LTB4R2: variants seen among roughly 807,000 people sequenced by gnomAD.
LTB4R2 encodes the protein leukotriene B4 receptor 2.
In LTB4R2, 6 loss-of-function variants were observed where a neutral mutation model predicts 5.3. That is an observed-to-expected ratio of 1.14 (90% CI 0.62 to 2.24). LTB4R2 has a LOEUF of 2.24. LTB4R2 is among the 30% of genes most tolerant of loss of function. The pLI, the probability that LTB4R2 is intolerant of heterozygous loss-of-function variation, is 0.00. For missense variants in LTB4R2, 560 were observed against 521.5 expected, an observed-to-expected ratio of 1.07 and a Z score of -0.72; for synonymous variants, 310 against 264.2, an observed-to-expected ratio of 1.17 and a Z score of -1.68.
Position 24,311,099 on chromosome 14 carries a change from C to T in LTB4R2, c.435C>T (p.Val145=). ...TGGCCCGCCGCCTGCTGCTGGCGGTCTGGCTGGCCGCCCTGTTGCTCGCCG... is the reference window on the plus strand; with the variant it reads ...TGGCCCGCCGCCTGCTGCTGGCGGTTTGGCTGGCCGCCCTGTTGCTCGCCG... ...PALARRLLLA[V]WLAALLLAVP... is the part of the protein sequence containing the mutation. The change falls in exon 2 of 2, where the codon GTC becomes GTT. Residue 145 remains valine (V), a synonymous_variant. Transcript: ENST00000533293. 1.3e-6 allele frequency: 2 copies of T among 1,564,714 alleles called. No homozygotes were observed. Among genetic ancestry groups the T allele is most frequent in the Non-Finnish European group, 1.7e-6 (2 of 1,162,640 alleles).
At position 24,311,831 on chromosome 14, in the gene LTB4R2, C is replaced by T. The variant is rs73591421; in HGVS notation, c.*90C>T. ...TCAGTGTTCTGGGACATTTGGGGAC[C>T]CTTCTTTGACTAGAGTTTGGATCTG... On this transcript the variant is annotated 3_prime_UTR_variant, in exon 2 of 2. Coordinates refer to ENST00000533293, the MANE Select transcript of LTB4R2 (RefSeq NM_019839.5). 474 of 1,187,202 alleles carry T rather than the reference C, an allele frequency of 4.0e-4. 1 individual carries two copies. In the African/African-American group the frequency reaches 6.6e-3, roughly 17 times the overall value. The allele number at this position is 1,187,202 out of a possible 1,614,324, so 73.5% of individuals were successfully genotyped here.
At chr14:24,310,342 G>T in intron 1 of LTB4R2, 87 bp downstream of exon 1, 2 of 601,982 alleles carry the variant, frequency 3.3e-6, no homozygotes, top group Non-Finnish European at 5.9e-6. Context: ...AGAAGGAGGG[G>T]CCAGACTAGA....
At position 24,311,629 on chromosome 14, in the gene LTB4R2, A is replaced by G. The variant is rs1233248375; in HGVS notation, c.965A>G (p.Glu322Gly). ...GCCCGAGGGGGCGGCCGCTCTAGGGAAGGGACCATGGAGCTCCGAACTACC... is the reference window on the plus strand; with the variant it reads ...GCCCGAGGGGGCGGCCGCTCTAGGGGAGGGACCATGGAGCTCCGAACTACC... ...GEARGGGRSR[E>G]GTMELRTTPQ... The change falls in exon 2 of 2, where the codon GAA becomes GGA. Residue 322 changes from glutamate (E) to glycine (G), a missense_variant. Coordinates refer to ENST00000533293, the MANE Select transcript of LTB4R2 (RefSeq NM_019839.5). 1 of 1,613,414 alleles carries G rather than the reference A, an allele frequency of 6.2e-7. No homozygotes were observed. Among genetic ancestry groups the G allele is most frequent in the East Asian group, 2.2e-5 (1 of 44,868 alleles).
At chr14:24,310,631 G>C (rs2041661520) in intron 1 of LTB4R2, 24 bp from the exon 2 acceptor site, 1 of 1,611,704 alleles carries the variant, frequency 6.2e-7, no homozygotes, top group South Asian at 1.1e-5. Flanking sequence ...AACGCCCTCT[G>C]TGGCGCCTTC....
In LTB4R2 at chr14:24,311,516, C is replaced by T. The variant is rs1357061197; in HGVS notation, c.852C>T (p.Asn284=). 1 of 1,603,256 alleles carries T rather than the reference C, an allele frequency of 6.2e-7. No homozygotes were observed. The highest frequency in any genetic ancestry group is 2.2e-5 in the East Asian group (1 of 44,886). The part of the protein sequence containing the change: ...TALAFFSSSV[N]PVLYVFTAGD... Reference sequence around the variant, plus strand: ...TGGCCTTCTTCAGTTCTAGCGTCAACCCGGTGCTCTACGTCTTCACCGCTG... The same window carrying T: ...TGGCCTTCTTCAGTTCTAGCGTCAATCCGGTGCTCTACGTCTTCACCGCTG... Residue 284 remains asparagine, a synonymous_variant, in exon 2 of 2, where the codon AAC becomes AAT. Transcript: ENST00000533293.
In LTB4R2 at chr14:24,310,842, C is replaced by T. The variant is rs2041671147; in HGVS notation, c.178C>T (p.Leu60Phe). The T allele has an allele frequency of 6.3e-7, 1 of 1,595,390 alleles. No homozygotes were observed. The highest frequency in any genetic ancestry group is 8.5e-7 in the Non-Finnish European group (1 of 1,176,458). Reference protein sequence around the residue: ...PARGRPLAATLVLHLALADGA... With the variant: ...PARGRPLAATFVLHLALADGA... ...ACGGGGGCGACCGCTGGCGGCCACGCTTGTGCTGCACCTGGCGCTGGCCGA... is the reference window on the plus strand; with the variant it reads ...ACGGGGGCGACCGCTGGCGGCCACGTTTGTGCTGCACCTGGCGCTGGCCGA... Residue 60 changes from leucine (L) to phenylalanine (F), a missense_variant, in exon 2 of 2, where the codon CTT (leucine) becomes TTT (phenylalanine). Leu to Phe is a conservative substitution (Grantham distance 22, BLOSUM62 0). Coordinates refer to ENST00000533293, the MANE Select transcript of LTB4R2 (RefSeq NM_019839.5).
At position 24,311,686 on chromosome 14, in the gene LTB4R2, G is replaced by A; in HGVS notation, c.1022G>A (p.Gly341Asp). ...CTGAAAGTGGTGGGGCAGGGCCGCG[G>A]CAATGGAGACCCGGGGGGTGGGATG... ...PQLKVVGQGR[G>D]NGDPGGGMEK... The change falls in exon 2 of 2, where the codon GGC (glycine) becomes GAC (aspartate). Residue 341 changes from glycine to aspartate, a missense_variant. Physicochemically the swap from Gly to Asp is moderately conservative, Grantham distance 94 (BLOSUM62 -1). Coordinates refer to ENST00000533293, the MANE Select transcript of LTB4R2 (RefSeq NM_019839.5). The A allele has an allele frequency of 6.2e-7, 1 of 1,609,082 alleles. No individual in the cohort carries two copies. Among genetic ancestry groups the A allele is most frequent in the Non-Finnish European group, 8.5e-7 (1 of 1,176,790 alleles).
In LTB4R2 at chr14:24,310,821, G is replaced by GGGCGACCGCT. The variant is rs775478933; in HGVS notation, c.162_171dup (p.Ala58ThrfsTer228). ...CTTGGCGGGCTGGCGGCCTGCACGGGGGCGACCGCTGGCGGCCACGCTTGT... is the reference window on the plus strand; with the variant it reads ...CTTGGCGGGCTGGCGGCCTGCACGGGGGCGACCGCTGGCGACCGCTGGCGGCCACGCTTGT... On this transcript the variant is annotated frameshift_variant, in exon 2 of 2. Coordinates refer to ENST00000533293, the MANE Select transcript of LTB4R2 (RefSeq NM_019839.5). LOFTEE classifies it low-confidence loss of function (END_TRUNC). The GGGCGACCGCT allele has an allele frequency of 6.3e-7, 1 of 1,594,618 alleles. No homozygotes were observed. Among genetic ancestry groups the GGGCGACCGCT allele is most frequent in the East Asian group, 2.2e-5 (1 of 44,470 alleles).
In LTB4R2 at chr14:24,311,021, C is replaced by G. The variant is rs201642570; in HGVS notation, c.357C>G (p.Arg119=). The G allele has an allele frequency of 1.3e-6, 2 of 1,584,594 alleles. No homozygotes were observed. The highest frequency in any genetic ancestry group is 1.1e-5 in the South Asian group (1 of 89,358). The change falls in exon 2 of 2, where the codon CGC becomes CGG. Residue 119 remains arginine, a synonymous_variant. Transcript: ENST00000533293. ...TCACCGGCCTGCTCAGCCTGCAGCGCTGCCTCGCAGTCACCCGCCCCTTCC... is the reference window on the plus strand; with the variant it reads ...TCACCGGCCTGCTCAGCCTGCAGCGGTGCCTCGCAGTCACCCGCCCCTTCC... ...VLLTGLLSLQ[R]CLAVTRPFLA...
Position 24,311,042 on chromosome 14 carries a change from C to A in LTB4R2, c.378C>A (p.Pro126=), listed in dbSNP as rs762169046. 2 of 1,578,244 alleles carry A rather than the reference C, an allele frequency of 1.3e-6. No homozygotes were observed. The highest frequency in any genetic ancestry group is 2.3e-5 in the South Asian group (2 of 88,486). The change falls in exon 2 of 2, where the codon CCC becomes CCA. Residue 126 remains proline (P), a synonymous_variant. Transcript: ENST00000533293. ...AGCGCTGCCTCGCAGTCACCCGCCC[C>A]TTCCTGGCGCCTCGGCTGCGCAGCC... The part of the protein sequence containing the change: ...SLQRCLAVTR[P]FLAPRLRSPA...
At chr14:24,310,524 G>A (rs1303172563) in intron 1 of LTB4R2, 131 bp from the exon 2 acceptor site, 1 of 915,504 alleles carries the variant, frequency 1.1e-6, no homozygotes, top group Admixed American at 2.0e-5. Context: ...TGGAAGTCAG[G>A]ACTCCCAGGC....
At position 24,311,264 on chromosome 14, in the gene LTB4R2, C is replaced by T. The variant is rs773336602; in HGVS notation, c.600C>T (p.Cys200=). ...FVLPFGLMLG[C]YSVTLARLRG... ...TTCCTTTCGGGCTGATGCTCGGCTG[C>T]TACAGCGTGACGCTGGCACGGCTGC... is the stretch of plus-strand genomic sequence containing the variant. Residue 200 remains cysteine (C), a synonymous_variant, in exon 2 of 2, where the codon TGC becomes TGT. Transcript: ENST00000533293. The T allele has an allele frequency of 6.2e-7, 1 of 1,602,768 alleles. No individual in the cohort carries two copies. The highest frequency in any genetic ancestry group is 1.1e-5 in the South Asian group (1 of 89,592).
Position 24,311,814 on chromosome 14 carries a change from C to T in LTB4R2, c.*73C>T, listed in dbSNP as rs994301976. On this transcript the variant is annotated 3_prime_UTR_variant, in exon 2 of 2. Coordinates refer to ENST00000533293, the MANE Select transcript of LTB4R2 (RefSeq NM_019839.5). The stretch of plus-strand genomic sequence containing the variant: ...CACCCACCCTCCAGAGGTCAGTGTT[C>T]TGGGACATTTGGGGACCCTTCTTTG... 5 of 1,353,144 alleles carry T rather than the reference C, an allele frequency of 3.7e-6. No individual in the cohort carries two copies. Among genetic ancestry groups the T allele is most frequent in the Non-Finnish European group, 5.0e-6 (5 of 1,000,056 alleles). The allele number at this position is 1,353,144 out of a possible 1,614,324, so 83.8% of individuals were successfully genotyped here.
At chr14:24,310,554 G>T in intron 1 of LTB4R2, 101 bp from the exon 2 acceptor site, 1 of 1,173,594 alleles carries the variant, frequency 8.5e-7, no homozygotes, top group East Asian at 2.4e-5. Context: ...GCAGGCTGCA[G>T]GGAAGTAAGG....
Position 24,311,894 on chromosome 14 carries a change from GCTC to G in LTB4R2, c.*158_*160del. 1.4e-6 allele frequency: 1 copy of G among 707,604 alleles called. No homozygotes were observed. The highest frequency in any genetic ancestry group is 2.3e-6 in the Non-Finnish European group (1 of 428,088). The allele number at this position is 707,604 out of a possible 1,614,324, so 43.8% of individuals were successfully genotyped here. ...TACTATACACTTGGGGCAGGCCCAG[GCTC>G]CTCCAAACTGAGGGATTATGAGGGT... On this transcript the variant is annotated 3_prime_UTR_variant, in exon 2 of 2. Transcript: ENST00000533293.
chr14:24,311,072 C>A lies in LTB4R2; in HGVS notation c.408C>A (p.Ala136=). ...TGGCGCCTCGGCTGCGCAGCCCGGC[C>A]CTGGCCCGCCGCCTGCTGCTGGCGG... ...PFLAPRLRSP[A]LARRLLLAVW... Residue 136 remains alanine (A), a synonymous_variant, in exon 2 of 2, where the codon GCC becomes GCA. Transcript: ENST00000533293. 1 of 1,561,692 alleles carries A rather than the reference C, an allele frequency of 6.4e-7. No homozygotes were observed.
chr14:24,311,031 G>C lies in LTB4R2; in HGVS notation c.367G>C (p.Val123Leu), dbSNP rs1343038087. 6.3e-7 allele frequency: 1 copy of C among 1,581,970 alleles called. No homozygotes were observed. The highest frequency in any genetic ancestry group is 8.5e-7 in the Non-Finnish European group (1 of 1,173,310). ...GLLSLQRCLA[V>L]TRPFLAPRLR... ...GCTCAGCCTGCAGCGCTGCCTCGCA[G>C]TCACCCGCCCCTTCCTGGCGCCTCG... The change falls in exon 2 of 2, where the codon GTC becomes CTC. Residue 123 changes from valine to leucine, a missense_variant. Coordinates refer to ENST00000533293, the MANE Select transcript of LTB4R2 (RefSeq NM_019839.5).
chr14:24,310,743 C>A lies in LTB4R2; in HGVS notation c.79C>A (p.Leu27Met). The A allele has an allele frequency of 6.2e-7, 1 of 1,611,602 alleles. No homozygotes were observed. Among genetic ancestry groups the A allele is most frequent in the Non-Finnish European group, 8.5e-7 (1 of 1,179,824 alleles). ...KTSRATGTAF[L>M]LLAALLGLPG... ...TTCGCGGGCCACAGGCACAGCCTTC[C>A]TGCTGCTGGCGGCGCTGCTGGGGCT... is the stretch of plus-strand genomic sequence containing the variant. The change falls in exon 2 of 2, where the codon CTG becomes ATG. Residue 27 changes from leucine to methionine, a missense_variant. By Grantham distance (15) the Leu-to-Met change is conservative. Transcript: ENST00000533293.
chr14:24,310,260 G>A lies in LTB4R2; in HGVS notation c.-11+5G>A, dbSNP rs2139166917. The A allele has an allele frequency of 3.8e-6, 2 of 528,078 alleles. No individual in the cohort carries two copies. Among genetic ancestry groups the A allele is most frequent in the African/African-American group, 3.8e-5 (2 of 52,416 alleles). 32.7% of individuals were successfully genotyped at this position (528,078 alleles called of 1,614,324 possible). A position where few individuals can be genotyped will look rare whatever the true frequency, so the allele number is the denominator to read the frequency against. The stretch of plus-strand genomic sequence containing the variant: ...ATCCTGCTTGCTCCCAGCTTGGTAA[G>A]TAGATCTGTGCACGTCCCTTTACAC... On this transcript the variant is annotated splice_donor_5th_base_variant and intron_variant, in intron 1 of 1. Transcript: ENST00000533293.
Sources: gnomAD v4.1 joint callset for allele counts on GRCh38, gnomAD v4.1.1 for gene constraint, MANE v1.5 for transcripts, NCBI Gene and HGNC (gene_info 2026-07-23, HGNC 2026-07-21) for gene names.